Variants in TEF observed in about 807,000 individuals in gnomAD.
The protein encoded by TEF is TEF transcription factor, PAR bZIP family member, also known as thyrotroph embryonic factor.
A neutral mutation model predicts 20.8 loss-of-function variants in TEF; 3 were observed. The observed-to-expected ratio is 0.14, with a 90% confidence interval of 0.07 to 0.37. The LOEUF (loss-of-function observed/expected upper bound fraction) is 0.37. TEF is among the 10% of genes least tolerant of loss of function. The pLI is 1.00. For missense variants in TEF, 296 were observed against 397.9 expected, an observed-to-expected ratio of 0.74 and a Z score of 2.18; for synonymous variants, 180 against 171.1, an observed-to-expected ratio of 1.05 and a Z score of -0.41.
upstream of TEF, among the ~76,000 whole-genome samples, chr22:41,379,399 C>T (rs576557274): frequency 1.3e-5 from 2 of 152,210 alleles, no homozygotes; most frequent in Non-Finnish European, 2.9e-5. Flanking sequence ...CCCAGCTACT[C>T]AGGAGGCTGA....
chr22:41,370,567 C>T (rs1414963183), intron 1 of TEF, among the ~76,000 whole-genome samples: 1 of 152,002 alleles, frequency 6.6e-6, no homozygotes, highest in Admixed American at 6.5e-5. Flanking sequence ...CACCCGCCAC[C>T]ACGCCCGGCT....
upstream of TEF, among the ~76,000 whole-genome samples, chr22:41,378,398 T>C (rs2036974493): frequency 7.2e-6 from 1 of 139,826 alleles, no homozygotes; most frequent in Admixed American, 7.8e-5. Context: ...CAGGCTGGAG[T>C]GCAGTGGCGT....
intron 2 of TEF, among the ~76,000 whole-genome samples, chr22:41,388,645 C>T (rs1034323997): frequency 3.3e-5 from 5 of 151,518 alleles, no homozygotes; most frequent in African/African-American, 1.2e-4. Context: ...CAGAGTCTGT[C>T]CTTATTCCTC....
At chr22:41,371,802 G>A (rs948533971) in intron 1 of TEF, among the ~76,000 whole-genome samples, 34 of 152,170 alleles carry the variant, frequency 2.2e-4, no homozygotes, top group African/African-American at 7.0e-4. Flanking sequence ...GGCTCCTAGA[G>A]GCATGGTGCC....
chr22:41,382,103 C>G lies in TEF; in HGVS notation c.59C>G (p.Pro20Arg). 8.1e-7 allele frequency: 1 copy of G among 1,232,632 alleles called. No homozygotes were observed. The highest frequency in any genetic ancestry group is 3.2e-5 in the East Asian group (1 of 31,672). The allele number at this position is 1,232,632 out of a possible 1,614,324, so 76.4% of individuals were successfully genotyped here. Residue 20 changes from proline to arginine, a missense_variant, in exon 1 of 4, where the codon CCG becomes CGG. Physicochemically the swap from Pro to Arg is moderately radical, Grantham distance 103. This residue lies in a region of TEF where 102 missense variants were observed against 80.1 expected (regional missense o/e 1.27). Coordinates refer to ENST00000266304, the MANE Select transcript of TEF (RefSeq NM_003216.4). ...PPVDPQAGPG[P>R]GPGRAAGERG... ...GTGGACCCGCAGGCAGGACCCGGTC[C>G]GGGGCCGGGGCGCGCAGCTGGGGAA...
chr22:41,384,518 T>C (rs2037072395), intron 1 of TEF, among the ~76,000 whole-genome samples: 1 of 152,194 alleles, frequency 6.6e-6, no homozygotes, highest in Non-Finnish European at 1.5e-5. Flanking sequence ...AAAGGTCTCT[T>C]GAAATGGTTG....
At chr22:41,374,311 G>A (rs2036914898) in intron 1 of TEF, among the ~76,000 whole-genome samples, 1 of 152,074 alleles carries the variant, frequency 6.6e-6, no homozygotes, top group Non-Finnish European at 1.5e-5. Flanking sequence ...AGCACTTTGG[G>A]AGGCCGAGGC....
intron 1 of TEF, among the ~76,000 whole-genome samples, chr22:41,387,130 A>G (rs1190197380): frequency 6.6e-6 from 1 of 152,222 alleles, no homozygotes; most frequent in African/African-American, 2.4e-5. Context: ...CCTTCTGGGA[A>G]GGCCAGGCAT....
chr22:41,370,506 G>A (rs534960575), intron 1 of TEF, among the ~76,000 whole-genome samples: 1 of 147,956 alleles, frequency 6.8e-6, no homozygotes, highest in African/African-American at 2.5e-5. Flanking sequence ...TCCACCTCCC[G>A]TGTTCAAGCA....
At chr22:41,373,936 G>A (rs975359272) in intron 1 of TEF, among the ~76,000 whole-genome samples, 4 of 151,722 alleles carry the variant, frequency 2.6e-5, no homozygotes, top group African/African-American at 9.7e-5. Context: ...GCTAATTTTT[G>A]TATTTTTAGT....
chr22:41,379,164 C>A (rs868685084), upstream of TEF, among the ~76,000 whole-genome samples: 22 of 151,980 alleles, frequency 1.4e-4, no homozygotes, highest in African/African-American at 5.3e-4. Context: ...TGGTAAAACC[C>A]CGTCTCTATA....
At position 41,375,918 on chromosome 22, in the gene TEF, T is replaced by C. The variant is rs139644187; in HGVS notation, c.67+8319T>C. ...AACAAAGCATCGTGCCCTCCTGCAT[T>C]TGATTTGCGCAAAAGACACAGATAA... On this transcript the variant is annotated intron_variant, in intron 1 of 3. Transcript: ENST00000406644. Among the ~76,000 whole-genome samples the C allele has an allele frequency of 9.6e-4, 146 of 152,198 alleles. 1 individual carries two copies. The highest frequency in any genetic ancestry group is 3.4e-3 in the African/African-American group (141 of 41,522).
In TEF at chr22:41,387,640, T is replaced by G. The variant is rs2037114120; in HGVS notation, c.447T>G (p.Phe149Leu). The change falls in exon 2 of 4, where the codon TTT (phenylalanine) becomes TTG (leucine). Residue 149 changes from phenylalanine to leucine, a missense_variant. Phe to Leu is a conservative substitution (Grantham distance 22). Coordinates refer to ENST00000266304, the MANE Select transcript of TEF (RefSeq NM_003216.4). ...ASPPSSSTAI[F>L]QPSETVSSTE... ...CACCATCCTCCTCCACTGCCATCTT[T>G]CAGCCCTCTGAAACCGTGTCCAGCA... 6.2e-7 allele frequency: 1 copy of G among 1,614,026 alleles called. No individual in the cohort carries two copies. The highest frequency in any genetic ancestry group is 8.5e-7 in the Non-Finnish European group (1 of 1,179,958).
rs920468073 is a variant in TEF, at chr22:41,369,057, C to T, written c.67+1458C>T. ...ACCCAGGAAGGGTGGTACAGTCCCTCCTGGCTCCCCCAAGGTGTCCCAGGA... is the reference window on the plus strand; with the variant it reads ...ACCCAGGAAGGGTGGTACAGTCCCTTCTGGCTCCCCCAAGGTGTCCCAGGA... On this transcript the variant is annotated intron_variant, in intron 1 of 3. Coordinates refer to the TEF transcript ENST00000406644. 1.4e-5 allele frequency: 14 copies of T among 985,170 alleles called. No individual in the cohort carries two copies. The African/African-American group carries it at 2.4e-4, about 17-fold the overall frequency. 61.0% of individuals were successfully genotyped at this position (985,170 alleles called of 1,614,324 possible).
Position 41,397,147 on chromosome 22 carries a change from C to T in TEF, c.*1187C>T. The T allele has an allele frequency of 5.0e-6, 2 of 398,722 alleles. No individual in the cohort carries two copies. Among genetic ancestry groups the T allele is most frequent in the Non-Finnish European group, 8.8e-6 (2 of 226,140 alleles). The allele number at this position is 398,722 out of a possible 1,614,324, so 24.7% of individuals were successfully genotyped here. ...TAGAGTCACCAAGGTCACAGTGCCA[C>T]TTTCACGGGATAGCAGGCTCTTGGG... On this transcript the variant is annotated 3_prime_UTR_variant, in exon 4 of 4. Coordinates refer to ENST00000266304, the MANE Select transcript of TEF (RefSeq NM_003216.4).
At chr22:41,389,665 A>G (rs2037143125) in intron 2 of TEF, among the ~76,000 whole-genome samples, 1 of 151,618 alleles carries the variant, frequency 6.6e-6, no homozygotes, top group South Asian at 2.1e-4. Context: ...GAGTCAGGGT[A>G]TCACTGTGTT....
At chr22:41,371,848 T>C (rs2036886855) in intron 1 of TEF, among the ~76,000 whole-genome samples, 1 of 152,086 alleles carries the variant, frequency 6.6e-6, no homozygotes, top group Non-Finnish European at 1.5e-5. Flanking sequence ...CCCCATTTCA[T>C]AACAGGCAGG....
At chr22:41,389,960 C>T (rs367595508) in intron 2 of TEF, among the ~76,000 whole-genome samples, 111 of 150,678 alleles carry the variant, frequency 7.4e-4, no homozygotes, top group African/African-American at 2.5e-3. Flanking sequence ...AGTGCAGTGG[C>T]GGGGTCTCAG....
chr22:41,375,934 A>C (rs2036936336), intron 1 of TEF, among the ~76,000 whole-genome samples: 1 of 152,132 alleles, frequency 6.6e-6, no homozygotes, highest in Non-Finnish European at 1.5e-5. Context: ...TGCGCAAAAG[A>C]CACAGATAAC....
Sources: gnomAD v4.1 joint callset for allele counts (sites outside exome capture counted in the v4.1 genomes callset) on GRCh38, gnomAD v4.1.1 for gene constraint, gnomAD v4.1.1 regional missense constraint, MANE v1.5 for transcripts, NCBI Gene and HGNC (gene_info 2026-07-23, HGNC 2026-07-21) for gene names.